The following AMY2B variants were observed in gnomAD, a reference collection of about 807,000 sequenced individuals.
The protein encoded by AMY2B is amylase alpha 2B.
In AMY2B, 63 loss-of-function variants were observed where a neutral mutation model predicts 59.3. The observed-to-expected ratio is 1.06, with a 90% CI of 0.87 to 1.31. AMY2B has a LOEUF of 1.31. Ranked by LOEUF, AMY2B falls within the 50% of genes most tolerant of loss-of-function variation. AMY2B has a pLI of 0.00. For missense variants in AMY2B, 635 were observed against 626.7 expected (o/e 1.01, Z -0.14); for synonymous variants, 180 against 198.1 (o/e 0.91, Z 0.77).
upstream of AMY2B, chr1:103,569,776 C>T: frequency 2.3e-6 from 1 of 442,074 alleles, no homozygotes; most frequent in Non-Finnish European, 4.6e-6. Context: ...AGCATGGTAT[C>T]ATGACCAACT....
intron 1 of AMY2B, among the ~76,000 whole-genome samples, chr1:103,557,641 A>G (rs1274932669): frequency 6.6e-6 from 1 of 151,684 alleles, no homozygotes; most frequent in Non-Finnish European, 1.5e-5. Flanking sequence ...TGATGGAGTT[A>G]GATTAAAAAA....
chr1:103,576,181 TAGA>T (rs1371255401), intron 7 of AMY2B, among the ~76,000 whole-genome samples: 1 of 152,174 alleles, frequency 6.6e-6, no homozygotes, highest in Admixed American at 6.5e-5. Flanking sequence ...GGAAAGCTAG[TAGA>T]AGGTTTTCTT....
chr1:103,577,923 T>C, intron 9 of AMY2B, 78 bp downstream of exon 9: 1 of 1,580,580 alleles, frequency 6.3e-7, no homozygotes, highest in Non-Finnish European at 8.5e-7. Context: ...TTCATTGACA[T>C]TTATCATATC....
upstream of AMY2B, among the ~76,000 whole-genome samples, chr1:103,568,087 G>C (rs1314588144): frequency 6.6e-6 from 1 of 152,050 alleles, no homozygotes; most frequent in Non-Finnish European, 1.5e-5. Context: ...TATCATCACT[G>C]TTAGTACTGT....
In AMY2B at chr1:103,577,628, C is replaced by T. The variant is rs763727196; in HGVS notation, c.1220+20C>T. 6.2e-7 allele frequency: 1 copy of T among 1,611,848 alleles called. No homozygotes were observed. Among genetic ancestry groups the T allele is most frequent in the South Asian group, 1.1e-5 (1 of 90,986 alleles). ...AATAAGGTGAGAATATGTATTTAGA[C>T]ATGTCCTCTAATAGTAAACTTTCCA... On this transcript the variant is annotated intron_variant, in intron 8 of 9. Transcript: ENST00000684275.
rs1651824945 is a variant in AMY2B at position 103,564,024 on chromosome 1, C to T, written c.-206-1411C>T. 2.0e-5 allele frequency among the ~76,000 whole-genome samples: 3 copies of T among 152,016 alleles called. No individual in the cohort carries two copies. The South Asian group carries it at 6.2e-4, about 31-fold the overall frequency. On this transcript the variant is annotated intron_variant, in intron 1 of 11. Coordinates refer to the AMY2B transcript ENST00000361355. ...TGTTAGTAGAGCGAAGGCGGAAAGA[C>T]AGTATGAGTTGATAGGATTTTTAAT... is the stretch of plus-strand genomic sequence containing the variant.
chr1:103,573,339 A>G lies in AMY2B; in HGVS notation c.513+79A>G. 1.9e-6 allele frequency: 3 copies of G among 1,599,244 alleles called. No homozygotes were observed. The South Asian group carries it at 3.4e-5, about 18-fold the overall frequency. Reference sequence around the variant, plus strand: ...GTAGACATGTAGCTAATTGAACTTCATTTTAAATACGAATTTAGATCTCTT... The same window carrying G: ...GTAGACATGTAGCTAATTGAACTTCGTTTTAAATACGAATTTAGATCTCTT... On this transcript the variant is annotated intron_variant, in intron 3 of 9. Transcript: ENST00000684275.
intron 5 of AMY2B, 39 bp downstream of exon 5, chr1:103,574,432 A>G: frequency 6.2e-7 from 1 of 1,608,882 alleles, no homozygotes; most frequent in Non-Finnish European, 8.5e-7. Flanking sequence ...TATTTCATAG[A>G]TTTATTAGTC....
chr1:103,571,237 T>C (rs1388842393), upstream of AMY2B: 1 of 673,746 alleles, frequency 1.5e-6, no homozygotes, highest in Non-Finnish European at 2.1e-6. Context: ...AATGTATTCA[T>C]CCTTTTAATT....
chr1:103,564,287 G>A (rs1651832839), intron 1 of AMY2B, among the ~76,000 whole-genome samples: 1 of 152,032 alleles, frequency 6.6e-6, no homozygotes. Flanking sequence ...CCTAATAATT[G>A]CGTTTTCACA....
At position 103,574,367 on chromosome 1, in the gene AMY2B, G is replaced by C; in HGVS notation, c.852G>C (p.Trp284Cys). Residue 284 changes from tryptophan to cysteine, a missense_variant, in exon 5 of 10, where the codon TGG becomes TGC. Trp to Cys is a radical substitution (Grantham distance 215). Transcript: ENST00000684275. The stretch of plus-strand genomic sequence containing the variant: ...AACTCGGCACAGTTATTCGCAAGTG[G>C]AATGGAGAGAAGATGTCTTACCTAA... ...GAKLGTVIRK[W>C]NGEKMSYLKN... is the part of the protein sequence containing the mutation. The C allele has an allele frequency of 6.2e-7, 1 of 1,611,640 alleles. No individual in the cohort carries two copies. Among genetic ancestry groups the C allele is most frequent in the Non-Finnish European group, 8.5e-7 (1 of 1,179,720 alleles).
At chr1:103,561,123 A>C (rs537347933) in intron 1 of AMY2B, among the ~76,000 whole-genome samples, 81 of 152,258 alleles carry the variant, frequency 5.3e-4, no homozygotes, top group African/African-American at 1.9e-3. Context: ...TTTTATTTTT[A>C]TATTTATCAA....
rs1454768693 is a variant in AMY2B, at chr1:103,571,712, T to G, written c.110T>G (p.Val37Gly). The part of the protein sequence containing the change: ...SIVHLFEWRW[V>G]DIALECERYL... ...GTTCATCTGTTTGAATGGCGATGGG[T>G]TGATATTGCTCTTGAATGTGAGCGA... Residue 37 changes from valine to glycine, a missense_variant, in exon 1 of 10, where the codon GTT (valine) becomes GGT (glycine). Coordinates refer to ENST00000684275, the MANE Select transcript of AMY2B (RefSeq NM_001387437.1). The G allele has an allele frequency of 3.1e-6, 5 of 1,611,932 alleles. No homozygotes were observed. In the East Asian group the frequency reaches 8.9e-5, roughly 29 times the overall value.
At chr1:103,565,949 A>G (rs558343128) in intron 2 of AMY2B, among the ~76,000 whole-genome samples, 2 of 152,150 alleles carry the variant, frequency 1.3e-5, no homozygotes, top group African/African-American at 4.8e-5. Context: ...CCTGTTTAAA[A>G]CAACCAAAAA....
At chr1:103,560,227 A>G (rs938720808) in intron 1 of AMY2B, among the ~76,000 whole-genome samples, 11 of 152,142 alleles carry the variant, frequency 7.2e-5, no homozygotes, top group African/African-American at 2.7e-4. Flanking sequence ...CTATTATTGT[A>G]CTGTCAATAT....
At chr1:103,560,867 G>A (rs1259703550) in intron 1 of AMY2B, among the ~76,000 whole-genome samples, 1 of 151,948 alleles carries the variant, frequency 6.6e-6, no homozygotes, top group Admixed American at 6.6e-5. Context: ...CCAATGAAAG[G>A]GAATATAAGA....
chr1:103,575,379 A>G (rs751457981), intron 6 of AMY2B, 34 bp downstream of exon 6: 2 of 1,612,866 alleles, frequency 1.2e-6, no homozygotes, highest in Non-Finnish European at 1.7e-6. Context: ...TTTTTAACAC[A>G]TCTTTTAATG....
At chr1:103,556,214 A>G (rs1306610159) in intron 1 of AMY2B, among the ~76,000 whole-genome samples, 2 of 152,190 alleles carry the variant, frequency 1.3e-5, no homozygotes. Flanking sequence ...AAGTGGTATC[A>G]GTCAATGTGG....
upstream of AMY2B, chr1:103,571,151 T>C (rs1652115777): frequency 1.0e-6 from 1 of 961,962 alleles, no homozygotes; most frequent in African/African-American, 1.8e-5. Flanking sequence ...TTTCCTTTCT[T>C]AGCTTCTGTT....
Sources: gnomAD v4.1 joint callset for allele counts (sites outside exome capture counted in the v4.1 genomes callset) on GRCh38, gnomAD v4.1.1 for gene constraint, MANE v1.5 for transcripts, NCBI Gene and HGNC (gene_info 2026-07-23, HGNC 2026-07-21) for gene names.